Variants in LVRN observed in about 807,000 individuals in gnomAD.
LVRN encodes the protein laeverin.
LVRN carries 99 observed loss-of-function variants against 111.4 expected under a neutral mutation model. That is an observed-to-expected ratio of 0.89 (90% CI 0.76 to 1.05). LVRN has a LOEUF of 1.05. LVRN is among the 50% of genes least tolerant of loss of function. LVRN has a pLI of 0.00. For synonymous variants in LVRN, 488 were observed against 449.5 expected (o/e 1.09, Z -1.08); for missense variants, 1,414 against 1,206.8 (o/e 1.17, Z -2.54).
Position 116,005,937 on chromosome 5 carries a change from A to C in LVRN, c.2063A>C (p.Gln688Pro). 1 of 1,598,604 alleles carries C rather than the reference A, an allele frequency of 6.3e-7. No individual in the cohort carries two copies. Among genetic ancestry groups the C allele is most frequent in the Non-Finnish European group, 8.6e-7 (1 of 1,166,046 alleles). Residue 688 changes from glutamine to proline, a missense_variant, in exon 13 of 20, where the codon CAG (glutamine) becomes CCG (proline). By Grantham distance (76) the Gln-to-Pro change is moderately conservative. Transcript: ENST00000357872. Reference protein sequence around the residue: ...PKAIPVIHRLQLIDDAFSLSK... With the variant: ...PKAIPVIHRLPLIDDAFSLSK... ...GCGATTCCTGTTATTCACAGACTGC[A>C]GTTGATTGATGATGCCTTTTCCTTG... is the stretch of plus-strand genomic sequence containing the variant.
At chr5:115,963,400 G>A in intron 1 of LVRN, 88 bp downstream of exon 1, 1 of 1,056,824 alleles carries the variant, frequency 9.5e-7, no homozygotes. Flanking sequence ...CCGTGTCCAG[G>A]TGCGCGTCTG....
At chr5:116,004,699 A>G (rs1421787754) in intron 12 of LVRN, among the ~76,000 whole-genome samples, 1 of 152,182 alleles carries the variant, frequency 6.6e-6, no homozygotes, top group Non-Finnish European at 1.5e-5. Context: ...TCCTAACAGA[A>G]AGATCAACCA....
intron 13 of LVRN, among the ~76,000 whole-genome samples, chr5:116,006,912 A>T (rs1455269467): frequency 6.6e-6 from 1 of 152,162 alleles, no homozygotes. Flanking sequence ...TGCTCTTGCT[A>T]TCAATTTTTC....
At position 115,963,393 on chromosome 5, in the gene LVRN, T is replaced by G. The variant is rs756926350; in HGVS notation, c.695+81T>G. ...AGGCTGCGGGTCCAGCTGACTACCG[T>G]GTCCAGGTGCGCGTCTGCTGCCCTT... On this transcript the variant is annotated intron_variant, in intron 1 of 19. Transcript: ENST00000357872. 4.0e-4 allele frequency: 462 copies of G among 1,166,016 alleles called. 1 individual carries two copies. In the Middle Eastern group the frequency reaches 8.8e-3, roughly 22 times the overall value. The allele number at this position is 1,166,016 out of a possible 1,614,324, so 72.2% of individuals were successfully genotyped here.
At chr5:115,986,973 T>C (rs1747883569) in intron 3 of LVRN, among the ~76,000 whole-genome samples, 1 of 152,180 alleles carries the variant, frequency 6.6e-6, no homozygotes, top group Non-Finnish European at 1.5e-5. Flanking sequence ...CATTCCAAGA[T>C]CTTTAAGTTT....
Position 116,025,068 on chromosome 5 carries a change from C to T in LVRN, c.2833-910C>T, listed in dbSNP as rs182909861. 1.7e-3 allele frequency among the ~76,000 whole-genome samples: 252 copies of T among 152,272 alleles called. 2 individuals carry two copies. Among genetic ancestry groups the T allele is most frequent in the Non-Finnish European group, 2.6e-3 (177 of 68,010 alleles). On this transcript the variant is annotated intron_variant, in intron 19 of 19. Coordinates refer to ENST00000357872, the MANE Select transcript of LVRN (RefSeq NM_173800.5). ...TCCCAAACACCACCACCACTCCCCTCCCACCACTACAGGAGCCCAATCCTG... is the reference window on the plus strand; with the variant it reads ...TCCCAAACACCACCACCACTCCCCTTCCACCACTACAGGAGCCCAATCCTG...
chr5:115,997,886 C>T (rs1250997386), intron 6 of LVRN, among the ~76,000 whole-genome samples: 1 of 152,130 alleles, frequency 6.6e-6, no homozygotes, highest in African/African-American at 2.4e-5. Context: ...AGAAAGACCT[C>T]TAGGGTGTTG....
At chr5:116,007,078 A>T (rs138926957) in intron 13 of LVRN, among the ~76,000 whole-genome samples, 1 of 152,200 alleles carries the variant, frequency 6.6e-6, no homozygotes, top group African/African-American at 2.4e-5. Flanking sequence ...TACCACTTTC[A>T]CTGCTCCCAC....
chr5:115,974,958 C>A, intron 1 of LVRN: 1 of 428,932 alleles, frequency 2.3e-6, no homozygotes, highest in Non-Finnish European at 4.6e-6. Context: ...TCTGCAACTG[C>A]CTTTTGGGAA....
At chr5:115,977,965 G>A (rs564083372) in intron 1 of LVRN, among the ~76,000 whole-genome samples, 46 of 152,312 alleles carry the variant, frequency 3.0e-4, no homozygotes, top group African/African-American at 1.1e-3. Context: ...GATCAAATAA[G>A]GAAAGTGTGA....
intron 1 of LVRN, among the ~76,000 whole-genome samples, chr5:115,983,082 T>C (rs1013380568): frequency 6.6e-6 from 1 of 152,060 alleles, no homozygotes; most frequent in African/African-American, 2.4e-5. Flanking sequence ...AAGTAAAGGG[T>C]GTGCTTGTAT....
At chr5:115,993,504 C>T (rs965729232) in intron 5 of LVRN, among the ~76,000 whole-genome samples, 3 of 152,042 alleles carry the variant, frequency 2.0e-5, no homozygotes, top group Non-Finnish European at 4.4e-5. Flanking sequence ...AGTTTTAAAA[C>T]AAAAATTGCT....
At chr5:116,006,154 C>T (rs1748370051) in intron 13 of LVRN, among the ~76,000 whole-genome samples, 187 bp downstream of exon 13, 1 of 152,082 alleles carries the variant, frequency 6.6e-6, no homozygotes, top group African/African-American at 2.4e-5. Context: ...AAAAGACTAC[C>T]AACTAAGATG....
Position 115,992,154 on chromosome 5 carries a change from T to C in LVRN, c.1137T>C (p.His379=). 1.2e-6 allele frequency: 2 copies of C among 1,613,694 alleles called. No individual in the cohort carries two copies. Among genetic ancestry groups the C allele is most frequent in the Non-Finnish European group, 1.7e-6 (2 of 1,179,768 alleles). The change falls in exon 5 of 20, where the codon CAT becomes CAC. Residue 379 remains histidine (H), a synonymous_variant. Coordinates refer to ENST00000357872, the MANE Select transcript of LVRN (RefSeq NM_173800.5). The part of the protein sequence containing the change: ...DIIALPSFDN[H]AMENWGLMIF... ...TTGCCTTGCCTAGTTTTGACAACCA[T>C]GCAATGGAAAACTGGGGACTAATGA...
intron 19 of LVRN, among the ~76,000 whole-genome samples, chr5:116,025,763 T>C (rs892061793): frequency 2.6e-5 from 4 of 152,238 alleles, no homozygotes; most frequent in Non-Finnish European, 5.9e-5. Flanking sequence ...TGCACCTTCC[T>C]GTCTACATCT....
chr5:115,973,420 T>A (rs181819082), intron 1 of LVRN, among the ~76,000 whole-genome samples: 28 of 152,356 alleles, frequency 1.8e-4, no homozygotes, highest in African/African-American at 6.5e-4. Flanking sequence ...TGGCTTCAAA[T>A]AATGCATTCA....
intron 19 of LVRN, among the ~76,000 whole-genome samples, chr5:116,024,631 C>A (rs1429241537): frequency 6.6e-6 from 1 of 152,112 alleles, no homozygotes; most frequent in Admixed American, 6.5e-5. Flanking sequence ...TTCGTTAGTT[C>A]AATCTTTGCC....
At chr5:115,991,603 T>C (rs1372124606) in intron 4 of LVRN, among the ~76,000 whole-genome samples, 1 of 152,220 alleles carries the variant, frequency 6.6e-6, no homozygotes, top group Non-Finnish European at 1.5e-5. Flanking sequence ...CTATAGTGAC[T>C]GTACCATTTT....
In LVRN at chr5:116,010,809, T is replaced by C; in HGVS notation, c.2162T>C (p.Ile721Thr). ...TACCTTGCTGAAGAAGATGAAATTA[T>C]AGTATGGCATACAGTCTTGGTAAAC... The part of the protein sequence containing the change: ...TKYLAEEDEI[I>T]VWHTVLVNLV... The change falls in exon 14 of 20, where the codon ATA (isoleucine) becomes ACA (threonine). Residue 721 changes from isoleucine to threonine, a missense_variant. By Grantham distance (89) the Ile-to-Thr change is moderately conservative (BLOSUM62 -1). Coordinates refer to ENST00000357872, the MANE Select transcript of LVRN (RefSeq NM_173800.5). 2 of 1,612,664 alleles carry C rather than the reference T, an allele frequency of 1.2e-6. No homozygotes were observed. The highest frequency in any genetic ancestry group is 1.7e-6 in the Non-Finnish European group (2 of 1,179,206).
Sources: allele counts gnomAD v4.1 joint callset (sites outside exome capture counted in the v4.1 genomes callset), GRCh38; gene constraint gnomAD v4.1.1; transcripts MANE v1.5; gene names NCBI Gene and HGNC (gene_info 2026-07-23, HGNC 2026-07-21).